Variants in LHFPL3 observed in about 807,000 individuals in gnomAD.
The protein encoded by LHFPL3 is LHFPL tetraspan subfamily member 3.
LHFPL3 carries 5 observed loss-of-function variants against 19.3 expected under a neutral mutation model. The observed-to-expected ratio is 0.26, with a 90% CI of 0.14 to 0.54. LHFPL3 has a LOEUF of 0.54. Among genes scored for constraint, LHFPL3 ranks in the 20% least tolerant of loss-of-function variants. The probability of loss-of-function intolerance (pLI) is 0.94; values close to 1 mark genes in which losing one functional copy is unlikely to be tolerated. For synonymous variants in LHFPL3, 133 were observed against 126.2 expected (o/e 1.05, Z -0.36); for missense variants, 249 against 307.4 (o/e 0.81, Z 1.42).
intron 2 of LHFPL3, among the ~76,000 whole-genome samples, chr7:104,742,257 T>C (rs1793949293): frequency 6.6e-6 from 1 of 152,206 alleles, no homozygotes; most frequent in African/African-American, 2.4e-5. Flanking sequence ...TCTGCATTTG[T>C]GTATATGGTC....
At chr7:104,681,988 C>T (rs1320992851) in intron 1 of LHFPL3, among the ~76,000 whole-genome samples, 3 of 151,988 alleles carry the variant, frequency 2.0e-5, no homozygotes, top group African/African-American at 2.4e-5. Flanking sequence ...CGAACCATAG[C>T]GCATAGATGA....
At chr7:104,704,402 G>T (rs965982906) in intron 1 of LHFPL3, among the ~76,000 whole-genome samples, 1 of 152,096 alleles carries the variant, frequency 6.6e-6, no homozygotes, top group African/African-American at 2.4e-5. Flanking sequence ...CTAGTCATAT[G>T]AGTATTCATT....
chr7:104,830,708 C>A lies in LHFPL3; in HGVS notation c.683-75479C>A, dbSNP rs555802270. ...TTAATCTATATCTCTGTTTTGGTAC[C>A]AGTACCATGCTGTTTTGGTTACTGT... On this transcript the variant is annotated intron_variant, in intron 2 of 2. Coordinates refer to ENST00000424859, the MANE Select transcript of LHFPL3 (RefSeq NM_199000.3). Among the ~76,000 whole-genome samples the A allele has an allele frequency of 6.2e-4, 94 of 151,950 alleles. 3 individuals are homozygous for A. In the South Asian group the frequency reaches 0.019, roughly 31 times the overall value.
intron 1 of LHFPL3, among the ~76,000 whole-genome samples, chr7:104,725,869 G>T (rs1793580472): frequency 6.6e-6 from 1 of 151,994 alleles, no homozygotes; most frequent in South Asian, 2.1e-4. Context: ...GGCCAACATG[G>T]TGAAACCCCC....
intron 1 of LHFPL3, among the ~76,000 whole-genome samples, chr7:104,385,408 A>T (rs1790919479): frequency 6.6e-6 from 1 of 152,066 alleles, no homozygotes; most frequent in Non-Finnish European, 1.5e-5. Flanking sequence ...ATCTGAGCAG[A>T]GTTAATGAGA....
chr7:104,801,390 G>A (rs932961253), intron 2 of LHFPL3, among the ~76,000 whole-genome samples: 2 of 152,156 alleles, frequency 1.3e-5, no homozygotes, highest in Non-Finnish European at 1.5e-5. Context: ...ACCCATACAA[G>A]GGGGTCAGGG....
intron 1 of LHFPL3, among the ~76,000 whole-genome samples, chr7:104,397,801 C>T (rs989659672): frequency 2.0e-5 from 3 of 152,136 alleles, no homozygotes; most frequent in East Asian, 3.9e-4. Context: ...TGACAGCAGA[C>T]TTGGCTTTGG....
chr7:104,501,696 G>T (rs185276207), intron 1 of LHFPL3, among the ~76,000 whole-genome samples: 11 of 152,278 alleles, frequency 7.2e-5, no homozygotes, highest in African/African-American at 2.6e-4. Flanking sequence ...ACCTGATACA[G>T]CCTGGGGCTC....
chr7:104,808,980 C>T (rs1337203653), intron 2 of LHFPL3, among the ~76,000 whole-genome samples: 4 of 147,894 alleles, frequency 2.7e-5, no homozygotes, highest in Non-Finnish European at 4.4e-5. Context: ...ACTACAACCT[C>T]CATCTCCTGG....
chr7:104,412,267 G>A (rs900045845), intron 1 of LHFPL3, among the ~76,000 whole-genome samples: 5 of 152,056 alleles, frequency 3.3e-5, no homozygotes, highest in Non-Finnish European at 7.4e-5. Flanking sequence ...TTCAGATGAG[G>A]AGGCTGAGGT....
chr7:104,877,425 T>C (rs1198452730), intron 2 of LHFPL3, among the ~76,000 whole-genome samples: 1 of 152,020 alleles, frequency 6.6e-6, no homozygotes, highest in Non-Finnish European at 1.5e-5. Flanking sequence ...AAAGGACAAA[T>C]GACCCAATTA....
intron 1 of LHFPL3, among the ~76,000 whole-genome samples, chr7:104,587,680 C>G (rs1287280512): frequency 2.0e-5 from 3 of 151,810 alleles, no homozygotes; most frequent in Non-Finnish European, 2.9e-5. Context: ...TTCTAGATCC[C>G]TGAGGAATCG....
chr7:104,570,436 A>G lies in LHFPL3; in HGVS notation c.446-166239A>G, dbSNP rs535031853. Among the ~76,000 whole-genome samples the G allele has an allele frequency of 7.2e-4, 110 of 152,340 alleles. 1 individual carries two copies. The highest frequency in any genetic ancestry group is 1.2e-3 in the Non-Finnish European group (85 of 68,036). ...TATGTACTCAGTGACACTATTGTCT[A>G]CTAACCATAGATAGACCTGAATTCA... On this transcript the variant is annotated intron_variant, in intron 1 of 2. Transcript: ENST00000424859.
At chr7:104,468,597 G>T (rs181336070) in intron 1 of LHFPL3, among the ~76,000 whole-genome samples, 20 of 152,072 alleles carry the variant, frequency 1.3e-4, no homozygotes, top group African/African-American at 4.8e-4. Flanking sequence ...GCATATTTTG[G>T]CATGGCACAG....
chr7:104,619,396 G>A (rs1264094501), intron 1 of LHFPL3, among the ~76,000 whole-genome samples: 3 of 151,794 alleles, frequency 2.0e-5, no homozygotes, highest in Non-Finnish European at 4.4e-5. Flanking sequence ...GTGGAACTTT[G>A]TTACATATCA....
chr7:104,415,562 C>G (rs1036339067), intron 1 of LHFPL3, among the ~76,000 whole-genome samples: 4 of 152,134 alleles, frequency 2.6e-5, no homozygotes, highest in African/African-American at 9.7e-5. Context: ...CAGCTATTCT[C>G]TCACCCCAAC....
intron 2 of LHFPL3, among the ~76,000 whole-genome samples, chr7:104,780,283 C>A (rs759999632): frequency 2.0e-5 from 3 of 152,186 alleles, no homozygotes; most frequent in Non-Finnish European, 4.4e-5. Flanking sequence ...CGACAGGATT[C>A]CCACTCCCGC....
At chr7:104,626,189 T>G (rs1791542734) in intron 1 of LHFPL3, among the ~76,000 whole-genome samples, 1 of 152,184 alleles carries the variant, frequency 6.6e-6, no homozygotes, top group African/African-American at 2.4e-5. Context: ...AGTGCCTGCT[T>G]CCTTACAAGA....
intron 1 of LHFPL3, among the ~76,000 whole-genome samples, chr7:104,625,221 C>A (rs1006115897): frequency 6.6e-6 from 1 of 152,188 alleles, no homozygotes; most frequent in Non-Finnish European, 1.5e-5. Flanking sequence ...AACATGTTGT[C>A]CTCCTTCACC....
Sources: allele counts gnomAD v4.1 joint callset (sites outside exome capture counted in the v4.1 genomes callset), GRCh38; gene constraint gnomAD v4.1.1; transcripts MANE v1.5; gene names NCBI Gene and HGNC (gene_info 2026-07-23, HGNC 2026-07-21).